Variants in CDC42SE2 observed in about 807,000 individuals in gnomAD.
The protein encoded by CDC42SE2 is CDC42 small effector 2, also known as CDC42 small effector protein 2.
CDC42SE2 carries 3 observed loss-of-function variants against 11.5 expected under a neutral mutation model. The ratio of observed to expected loss-of-function variants is 0.26; its 90% CI spans 0.12 to 0.67. The LOEUF is 0.67. CDC42SE2 is among the 30% of genes least tolerant of loss of function. CDC42SE2 has a pLI of 0.80. For synonymous variants in CDC42SE2, 33 were observed against 34.8 expected (o/e 0.95, Z 0.18); for missense variants, 82 against 106.8 (o/e 0.77, Z 1.02).
intron 1 of CDC42SE2, among the ~76,000 whole-genome samples, chr5:131,247,417 G>T (rs1464570354): frequency 6.6e-6 from 1 of 152,098 alleles, no homozygotes; most frequent in African/African-American, 2.4e-5. Flanking sequence ...AGGAGTTCAA[G>T]ACCAGTTTGG....
chr5:131,335,225 C>T (rs942222722), intron 2 of CDC42SE2, among the ~76,000 whole-genome samples: 4 of 152,118 alleles, frequency 2.6e-5, no homozygotes, highest in African/African-American at 7.2e-5. Flanking sequence ...TCATTATGTA[C>T]CCAGTAGTTA....
At chr5:131,337,684 C>T (rs1758607612) in intron 2 of CDC42SE2, among the ~76,000 whole-genome samples, 1 of 152,234 alleles carries the variant, frequency 6.6e-6, no homozygotes, top group Non-Finnish European at 1.5e-5. Context: ...ACCCCTCCCC[C>T]AGCCTCGCTG....
At chr5:131,387,482 G>T (rs1750522653) in intron 4 of CDC42SE2, among the ~76,000 whole-genome samples, 1 of 152,146 alleles carries the variant, frequency 6.6e-6, no homozygotes. Context: ...ACCTGGGAGG[G>T]GGGAGGTTGC....
At chr5:131,381,408 C>G (rs1433618396) in intron 3 of CDC42SE2, among the ~76,000 whole-genome samples, 1 of 152,006 alleles carries the variant, frequency 6.6e-6, no homozygotes, top group Non-Finnish European at 1.5e-5. Flanking sequence ...ACTGCAACCT[C>G]CGCCTCCTGG....
chr5:131,221,301 AT>A, the CDC42SE2 span, among the ~76,000 whole-genome samples: 15,285 of 147,064 alleles, frequency 0.1, 907 homozygotes, highest in South Asian at 0.14. Flanking sequence ...TTTTTTTGCG[AT>A]TTTTTTTTTT....
chr5:131,243,092 A>G (rs1421178431), upstream of CDC42SE2, among the ~76,000 whole-genome samples: 2 of 152,140 alleles, frequency 1.3e-5, no homozygotes, highest in Admixed American at 1.3e-4. Flanking sequence ...GAGTAATCTT[A>G]TGACTCATTT....
At chr5:131,291,117 T>G (rs1380959783) in intron 1 of CDC42SE2, among the ~76,000 whole-genome samples, 2 of 152,192 alleles carry the variant, frequency 1.3e-5, no homozygotes, top group Non-Finnish European at 2.9e-5. Context: ...AGTTGTTGTT[T>G]TTTAATTATT....
the CDC42SE2 span, among the ~76,000 whole-genome samples, chr5:131,234,870 T>C: frequency 1.3e-5 from 2 of 151,118 alleles, no homozygotes; most frequent in Admixed American, 1.3e-4. Context: ...CCTCAGCAGA[T>C]TGCATGCTTG....
chr5:131,251,236 G>A (rs10478978), intron 1 of CDC42SE2, among the ~76,000 whole-genome samples: 56 of 152,120 alleles, frequency 3.7e-4, no homozygotes, highest in African/African-American at 9.2e-4. Flanking sequence ...TTTGTAGTGC[G>A]CAAAAGAATA....
chr5:131,283,393 A>G (rs139122704), intron 1 of CDC42SE2, among the ~76,000 whole-genome samples: 5 of 152,236 alleles, frequency 3.3e-5, no homozygotes, highest in Admixed American at 6.5e-5. Context: ...TTGGACATTT[A>G]ATGTAAGTGG....
intron 2 of CDC42SE2, among the ~76,000 whole-genome samples, chr5:131,358,372 T>C (rs1449472754): frequency 7.9e-5 from 12 of 152,186 alleles, no homozygotes; most frequent in Admixed American, 7.2e-4. Flanking sequence ...TGATGTCATC[T>C]TGACTTCCCA....
At chr5:131,349,407 T>G (rs1258323727) in intron 2 of CDC42SE2, among the ~76,000 whole-genome samples, 2 of 151,908 alleles carry the variant, frequency 1.3e-5, no homozygotes, top group Non-Finnish European at 2.9e-5. Flanking sequence ...AGTTAACGAG[T>G]GCAGCACACC....
intron 2 of CDC42SE2, among the ~76,000 whole-genome samples, chr5:131,317,987 C>G (rs535622491): frequency 6.6e-6 from 1 of 151,976 alleles, no homozygotes; most frequent in Non-Finnish European, 1.5e-5. Context: ...GGCTCTTTGC[C>G]TAGGCCTATG....
rs1360507555 is a variant in CDC42SE2, at chr5:131,394,133, C to T, written c.*3042C>T. ...TCAAGAGGTCATTTGTTCCCCATAG[C>T]AGCATATCTCATTTTTAAATTGAAG... On this transcript the variant is annotated 3_prime_UTR_variant, in exon 5 of 5. Coordinates refer to ENST00000505065, the MANE Select transcript of CDC42SE2 (RefSeq NM_001375635.1). The T allele has an allele frequency of 6.6e-6, 1 of 152,292 alleles. No homozygotes were observed. Among genetic ancestry groups the T allele is most frequent in the Non-Finnish European group, 1.5e-5 (1 of 68,038 alleles). The allele number at this position is 152,292 out of a possible 1,614,324, so 9.4% of individuals were successfully genotyped here. A position where few individuals can be genotyped will look rare whatever the true frequency, so the allele number is the denominator to read the frequency against.
At chr5:131,378,042 T>G (rs1750206770) in intron 3 of CDC42SE2, among the ~76,000 whole-genome samples, 2 of 152,182 alleles carry the variant, frequency 1.3e-5, no homozygotes, top group Non-Finnish European at 1.5e-5. Flanking sequence ...AAAATCAAAC[T>G]GTAAGCAAGT....
chr5:131,230,180 A>G, the CDC42SE2 span, among the ~76,000 whole-genome samples: 2 of 152,110 alleles, frequency 1.3e-5, no homozygotes, highest in African/African-American at 4.8e-5. Context: ...TTAATTTCGC[A>G]TAATTTCCTT....
chr5:131,381,168 C>T (rs2149786342), intron 3 of CDC42SE2, among the ~76,000 whole-genome samples: 1 of 152,266 alleles, frequency 6.6e-6, no homozygotes, highest in Non-Finnish European at 1.5e-5. Flanking sequence ...TTTGTTAATG[C>T]TGGTGATTCT....
Position 131,365,380 on chromosome 5 carries a change from T to G in CDC42SE2, c.54+5833T>G, listed in dbSNP as rs74797433. Among the ~76,000 whole-genome samples the G allele has an allele frequency of 4.0e-3, 615 of 152,140 alleles. 6 individuals are homozygous for G. Among genetic ancestry groups the G allele is most frequent in the African/African-American group, 0.014 (595 of 41,500 alleles). On this transcript the variant is annotated intron_variant, in intron 3 of 4. Transcript: ENST00000505065. Reference sequence around the variant, plus strand: ...CCCATGAAAGGTGGCTAGAGGGAACTCTAGCTGAGGGCACTCCATGAGGGG... The same window carrying G: ...CCCATGAAAGGTGGCTAGAGGGAACGCTAGCTGAGGGCACTCCATGAGGGG...
chr5:131,367,035 A>G (rs1201182032), intron 3 of CDC42SE2, among the ~76,000 whole-genome samples: 1 of 151,430 alleles, frequency 6.6e-6, no homozygotes, highest in East Asian at 1.9e-4. Context: ...TCAAAAAACA[A>G]ATTTTTTATA....
Sources: allele counts gnomAD v4.1 joint callset (sites outside exome capture counted in the v4.1 genomes callset), GRCh38; gene constraint gnomAD v4.1.1; transcripts MANE v1.5; gene names NCBI Gene and HGNC (gene_info 2026-07-23, HGNC 2026-07-21).